Variants in NRXN1 observed in about 807,000 individuals in gnomAD.
NRXN1 encodes the protein neurexin-1.
NRXN1 carries 39 observed loss-of-function variants against 150.9 expected under a neutral mutation model. That is an observed-to-expected ratio of 0.26 (90% CI 0.20 to 0.34). The LOEUF is 0.34. Ranked by LOEUF, NRXN1 falls within the 10% of genes least tolerant of loss-of-function variation. The pLI is 1.00. For synonymous variants in NRXN1, 924 were observed against 757.0 expected (o/e 1.22, Z -3.62); for missense variants, 1,815 against 1,949.9 (o/e 0.93, Z 1.30).
chr2:49,935,375 TCTC>T (rs1172651446), intron 22 of NRXN1, among the ~76,000 whole-genome samples: 3 of 152,226 alleles, frequency 2.0e-5, no homozygotes, highest in African/African-American at 7.2e-5. Flanking sequence ...TATTTTTCTT[TCTC>T]CTATTTTTTT....
Position 50,742,463 on chromosome 2 carries a change from C to T in NRXN1, c.833-118848G>A, listed in dbSNP as rs943371020. On this transcript the variant is annotated intron_variant, in intron 5 of 22. Transcript: ENST00000401669. Reference sequence around the variant, plus strand: ...CTCTACTAAAAATAACAAAAATTAGCGGGGCATGGTGGCGGGTGCCTGTAA... The same window carrying T: ...CTCTACTAAAAATAACAAAAATTAGTGGGGCATGGTGGCGGGTGCCTGTAA... 4.0e-5 allele frequency among the ~76,000 whole-genome samples: 6 copies of T among 151,568 alleles called. No individual in the cohort carries two copies. In the South Asian group the frequency reaches 8.3e-4, roughly 21 times the overall value.
At chr2:50,007,758 T>C (rs992076336) in intron 21 of NRXN1, among the ~76,000 whole-genome samples, 1 of 152,138 alleles carries the variant, frequency 6.6e-6, no homozygotes, top group Admixed American at 6.5e-5. Context: ...AGTAATGGGA[T>C]TGCTGGGTCA....
intron 12 of NRXN1, among the ~76,000 whole-genome samples, chr2:50,515,853 T>C (rs1395433298): frequency 6.6e-6 from 1 of 152,084 alleles, no homozygotes; most frequent in Non-Finnish European, 1.5e-5. Flanking sequence ...GCCTGAGTCA[T>C]AGTTGCTGGC....
chr2:50,516,212 G>A (rs1474844450), intron 12 of NRXN1, among the ~76,000 whole-genome samples: 1 of 152,122 alleles, frequency 6.6e-6, no homozygotes, highest in Non-Finnish European at 1.5e-5. Flanking sequence ...TAATTTGAGA[G>A]TCCATTGCAA....
At chr2:50,874,614 TA>T (rs1319844812) in intron 5 of NRXN1, among the ~76,000 whole-genome samples, 1 of 151,868 alleles carries the variant, frequency 6.6e-6, no homozygotes, top group African/African-American at 2.4e-5. Context: ...GTAATAAAAG[TA>T]ATAAAACTTT....
chr2:50,644,604 AT>A (rs530757766), intron 5 of NRXN1, among the ~76,000 whole-genome samples: 19 of 151,502 alleles, frequency 1.3e-4, no homozygotes, highest in Admixed American at 6.6e-4. Flanking sequence ...CACTAGAAGA[AT>A]TTTTTTCCCC....
intron 5 of NRXN1, among the ~76,000 whole-genome samples, chr2:50,896,229 G>GA (rs200680660): frequency 2.8e-3 from 417 of 150,668 alleles, no homozygotes; most frequent in African/African-American, 9.7e-3. Context: ...CATCTTCCAA[G>GA]AAAAAAAAAT....
chr2:50,796,444 C>T (rs530517864), intron 5 of NRXN1, among the ~76,000 whole-genome samples: 4 of 152,116 alleles, frequency 2.6e-5, no homozygotes, highest in East Asian at 1.9e-4. Flanking sequence ...TGAATGAACC[C>T]GCTCTCTCTC....
At chr2:50,277,508 TTCCTTCCTTTTTCCTTCC>T (rs2070710678) in intron 17 of NRXN1, among the ~76,000 whole-genome samples, 1 of 100,290 alleles carries the variant, frequency 1.0e-5, no homozygotes, top group Non-Finnish European at 2.1e-5. Flanking sequence ...TTTTCCTTCC[TTCCTTCCTTTTTCCTTCC>T]TTCCTTTCTC....
chr2:50,980,376 T>C (rs916355794), intron 2 of NRXN1, among the ~76,000 whole-genome samples: 14 of 152,260 alleles, frequency 9.2e-5, no homozygotes, highest in Middle Eastern at 3.4e-3. Context: ...CAAAAGTTTT[T>C]ACCTAAAAAA....
intron 5 of NRXN1, among the ~76,000 whole-genome samples, chr2:50,731,883 G>T (rs1698150521): frequency 6.6e-6 from 1 of 152,156 alleles, no homozygotes; most frequent in Admixed American, 6.5e-5. Flanking sequence ...TCGTTTGGCT[G>T]TTGGGATAAC....
chr2:50,008,999 G>T (rs11887101), intron 21 of NRXN1, among the ~76,000 whole-genome samples: 71,440 of 151,894 alleles, frequency 0.47, 17,421 homozygotes, highest in Middle Eastern at 0.61. Flanking sequence ...CAAATCCTGA[G>T]AGTCAAAAAG....
chr2:50,506,155 T>A (rs1386022407), intron 13 of NRXN1, among the ~76,000 whole-genome samples: 2 of 152,086 alleles, frequency 1.3e-5, no homozygotes, highest in Non-Finnish European at 2.9e-5. Context: ...TGCCAAAATA[T>A]ATACAAAACA....
chr2:50,069,755 T>C (rs950931016), intron 19 of NRXN1, among the ~76,000 whole-genome samples: 1 of 152,164 alleles, frequency 6.6e-6, no homozygotes, highest in South Asian at 2.1e-4. Flanking sequence ...CTCTGCATTC[T>C]TTCTACCCAT....
intron 18 of NRXN1, among the ~76,000 whole-genome samples, chr2:50,177,284 T>A (rs1168583501): frequency 1.3e-5 from 2 of 152,102 alleles, no homozygotes; most frequent in East Asian, 3.9e-4. Flanking sequence ...GTTTCCAGTG[T>A]CTGTCATCTC....
chr2:50,919,490 T>C (rs1276804464), intron 5 of NRXN1: 2 of 149,962 alleles, frequency 1.3e-5, no homozygotes. Context: ...ATTTATTTTT[T>C]TATAGTCTTT....
At chr2:50,507,256 A>G (rs2092273170) in intron 12 of NRXN1, among the ~76,000 whole-genome samples, 1 of 152,182 alleles carries the variant, frequency 6.6e-6, no homozygotes, top group Non-Finnish European at 1.5e-5. Flanking sequence ...ACACATCGAA[A>G]TAAACCTTAC....
intron 17 of NRXN1, among the ~76,000 whole-genome samples, chr2:50,350,003 A>C (rs896502632): frequency 2.6e-5 from 4 of 152,220 alleles, no homozygotes; most frequent in African/African-American, 9.6e-5. Flanking sequence ...ACTTACAGTC[A>C]GTTCTCATTA....
intron 17 of NRXN1, among the ~76,000 whole-genome samples, chr2:50,253,283 G>T (rs1186165109): frequency 2.0e-5 from 3 of 152,170 alleles, no homozygotes; most frequent in Non-Finnish European, 4.4e-5. Flanking sequence ...CTTTGCTGAA[G>T]TTGTTTATCA....
Sources: allele counts gnomAD v4.1 joint callset (sites outside exome capture counted in the v4.1 genomes callset), GRCh38; gene constraint gnomAD v4.1.1; transcripts MANE v1.5; gene names NCBI Gene and HGNC (gene_info 2026-07-23, HGNC 2026-07-21).